The following SPRR2G variants were observed in gnomAD, a reference collection of about 807,000 sequenced individuals.
SPRR2G encodes the protein small proline-rich protein 2G.
In SPRR2G, 1 loss-of-function variant was observed where a neutral mutation model predicts 0.7. The observed-to-expected ratio is 1.49, with a 90% CI of 0.53 to 7.06. SPRR2G has a LOEUF of 7.06. SPRR2G is among the 30% of genes most tolerant of loss of function. The pLI is 0.14. For synonymous variants in SPRR2G, 38 were observed against 33.9 expected (o/e 1.12, Z -0.42); for missense variants, 96 against 88.5 (o/e 1.09, Z -0.34).
intron 1 of SPRR2G, among the ~76,000 whole-genome samples, chr1:153,150,564 T>C (rs1656445360): frequency 6.6e-6 from 1 of 152,042 alleles, no homozygotes; most frequent in African/African-American, 2.4e-5. Context: ...CCCAAGGAGA[T>C]TGCACTCCAA....
At chr1:153,184,038 G>A in the SPRR2G span, among the ~76,000 whole-genome samples, 1 of 152,096 alleles carries the variant, frequency 6.6e-6, no homozygotes, top group African/African-American at 2.4e-5. Context: ...TAGATGTGTG[G>A]CATTATTTCT....
At chr1:153,168,100 C>T in the SPRR2G span, among the ~76,000 whole-genome samples, 805 of 152,268 alleles carry the variant, frequency 5.3e-3, 11 homozygotes, top group Middle Eastern at 0.02. Flanking sequence ...AAAATAATAT[C>T]ACTAGGAGAG....
the SPRR2G span, among the ~76,000 whole-genome samples, chr1:153,173,688 C>T: frequency 6.6e-6 from 1 of 152,190 alleles, no homozygotes. Context: ...GAGAATTTTG[C>T]TCTGAACTAC....
upstream of SPRR2G, among the ~76,000 whole-genome samples, chr1:153,154,567 T>C (rs1656542867): frequency 6.6e-6 from 1 of 152,190 alleles, no homozygotes; most frequent in South Asian, 2.1e-4. Flanking sequence ...TATTTCTTCA[T>C]GATTCAGTCT....
chr1:153,197,858 T>C, the SPRR2G span, among the ~76,000 whole-genome samples: 1 of 152,200 alleles, frequency 6.6e-6, no homozygotes, highest in Admixed American at 6.5e-5. Context: ...TGCGAAACCA[T>C]TGAAATATTA....
At chr1:153,163,010 A>T in the SPRR2G span, among the ~76,000 whole-genome samples, 1 of 152,226 alleles carries the variant, frequency 6.6e-6, no homozygotes, top group Non-Finnish European at 1.5e-5. Flanking sequence ...CAGTGATAAT[A>T]ATGGTAGAAA....
the SPRR2G span, among the ~76,000 whole-genome samples, chr1:153,172,202 A>C: frequency 4.6e-5 from 7 of 152,120 alleles, no homozygotes; most frequent in South Asian, 1.5e-3. Context: ...GACTGAAAAA[A>C]CTATCCTTAA....
At chr1:153,196,486 C>T in the SPRR2G span, among the ~76,000 whole-genome samples, 1 of 152,228 alleles carries the variant, frequency 6.6e-6, no homozygotes, top group Non-Finnish European at 1.5e-5. Context: ...ATTTTCACAT[C>T]TTAGCTAAAG....
At chr1:153,173,888 C>A in the SPRR2G span, among the ~76,000 whole-genome samples, 1 of 152,090 alleles carries the variant, frequency 6.6e-6, no homozygotes, top group Non-Finnish European at 1.5e-5. Context: ...ATGGACTCCT[C>A]GGGAAATTTT....
chr1:153,196,313 T>C, the SPRR2G span, among the ~76,000 whole-genome samples: 1 of 152,244 alleles, frequency 6.6e-6, no homozygotes, highest in Non-Finnish European at 1.5e-5. Flanking sequence ...AATGATGCAG[T>C]ATTTGTCTTT....
At chr1:153,170,026 T>A in the SPRR2G span, among the ~76,000 whole-genome samples, 1 of 152,204 alleles carries the variant, frequency 6.6e-6, no homozygotes, top group South Asian at 2.1e-4. Context: ...ATATAACTAA[T>A]TAATTTATTT....
At chr1:153,201,525 G>T in the SPRR2G span, among the ~76,000 whole-genome samples, 2 of 152,196 alleles carry the variant, frequency 1.3e-5, no homozygotes, top group African/African-American at 4.8e-5. Flanking sequence ...TGAGATGGGG[G>T]TGAGAGCTGC....
At chr1:153,160,919 T>G in the SPRR2G span, among the ~76,000 whole-genome samples, 1,246 of 151,386 alleles carry the variant, frequency 8.2e-3, 21 homozygotes, top group African/African-American at 0.029. Context: ...CCATAAAAAA[T>G]GATGAGTCCA....
At chr1:153,172,157 C>T in the SPRR2G span, among the ~76,000 whole-genome samples, 1 of 152,174 alleles carries the variant, frequency 6.6e-6, no homozygotes, top group African/African-American at 2.4e-5. Flanking sequence ...CACTCTACTT[C>T]ACCTCTCACC....
the SPRR2G span, chr1:153,190,094 G>A: frequency 6.6e-6 from 1 of 152,138 alleles, no homozygotes; most frequent in Non-Finnish European, 1.5e-5. Context: ...TTTCAACTAG[G>A]GAAAATTTCC....
At chr1:153,181,485 TA>T in the SPRR2G span, among the ~76,000 whole-genome samples, 1 of 152,182 alleles carries the variant, frequency 6.6e-6, no homozygotes, top group Non-Finnish European at 1.5e-5. Flanking sequence ...CTCACTCTAA[TA>T]TCAGTCATTA....
chr1:153,172,036 C>A, the SPRR2G span, among the ~76,000 whole-genome samples: 7 of 152,126 alleles, frequency 4.6e-5, no homozygotes. Context: ...CAACTTTAAT[C>A]CTCCATTGAA....
chr1:153,171,099 G>C, the SPRR2G span, among the ~76,000 whole-genome samples: 1 of 152,136 alleles, frequency 6.6e-6, no homozygotes, highest in African/African-American at 2.4e-5. Flanking sequence ...TGTCACTAGT[G>C]TTTATTTGTT....
At chr1:153,200,615 T>C in the SPRR2G span, among the ~76,000 whole-genome samples, 1 of 152,194 alleles carries the variant, frequency 6.6e-6, no homozygotes, top group Non-Finnish European at 1.5e-5. Context: ...GGTGACATTA[T>C]ATCATTTTAT....
Sources: allele counts gnomAD v4.1 joint callset (sites outside exome capture counted in the v4.1 genomes callset), GRCh38; gene constraint gnomAD v4.1.1; transcripts MANE v1.5; gene names NCBI Gene and HGNC (gene_info 2026-07-23, HGNC 2026-07-21).